Variants in CNGB1 observed in about 807,000 individuals in gnomAD.
CNGB1 encodes the protein cyclic nucleotide-gated channel beta-1.
A neutral mutation model predicts 151.7 loss-of-function variants in CNGB1; 126 were observed. That is an observed-to-expected ratio of 0.83 (90% CI 0.72 to 0.96). The LOEUF is 0.96. CNGB1 is among the 40% of genes least tolerant of loss of function. The pLI, the probability that CNGB1 is intolerant of heterozygous loss-of-function variation, is 0.00. For synonymous variants in CNGB1, 623 were observed against 635.1 expected (o/e 0.98, Z 0.29); for missense variants, 1,698 against 1,627.0 (o/e 1.04, Z -0.75).
rs374172975 is a variant in CNGB1 at position 57,897,409 on chromosome 16, C to T, written c.3230G>A (p.Arg1077Gln). 2.4e-5 allele frequency: 38 copies of T among 1,613,964 alleles called. No individual in the cohort carries two copies. In the African/African-American group the frequency reaches 3.2e-4, roughly 14 times the overall value. Reference protein sequence around the residue: ...VHYPESQKLLRKKARRMLRSN... With the variant: ...VHYPESQKLLQKKARRMLRSN... ...AAAAGTTACATACCTGGCTTTCTTC[C>T]GGAGTAACTTCTGAGACTCAGGATA... Residue 1077 changes from arginine (R) to glutamine (Q), a missense_variant, in exon 31 of 33, where the codon CGG becomes CAG. Coordinates refer to ENST00000251102, the MANE Select transcript of CNGB1 (RefSeq NM_001297.5).
At chr16:57,890,446 C>T (rs1474816271) in intron 31 of CNGB1, among the ~76,000 whole-genome samples, 2 of 152,206 alleles carry the variant, frequency 1.3e-5, no homozygotes, top group African/African-American at 4.8e-5. Flanking sequence ...AATGAACTAT[C>T]TTTTTCTTTC....
At chr16:57,964,357 C>T in intron 3 of CNGB1, 130 bp downstream of exon 3, 2 of 1,397,564 alleles carry the variant, frequency 1.4e-6, no homozygotes, top group Non-Finnish European at 2.0e-6. Context: ...GGGAGCCCAC[C>T]CTTAGCTTCT....
chr16:57,931,764 G>T lies in CNGB1; in HGVS notation c.1487C>A (p.Ala496Asp), dbSNP rs759552359. ...TGGGACTATAAGGGTGTCTGATTTG[G>T]CAGGAGACGGTGGCGGCAACACGGT... The part of the protein sequence containing the change: ...PSTVLPPPSP[A>D]KSDTLIVPSS... Residue 496 changes from alanine (A) to aspartate (D), a missense_variant, in exon 17 of 33, where the codon GCC becomes GAC. Ala to Asp is a moderately radical substitution (Grantham distance 126). Transcript: ENST00000251102. The T allele has an allele frequency of 7.4e-6, 12 of 1,614,050 alleles. No homozygotes were observed. The African/African-American group carries it at 1.6e-4, about 22-fold the overall frequency.
chr16:57,925,861 T>C (rs1189882271), intron 17 of CNGB1, among the ~76,000 whole-genome samples: 8 of 152,250 alleles, frequency 5.3e-5, no homozygotes, highest in Non-Finnish European at 8.8e-5. Flanking sequence ...CTAATTTTCG[T>C]ATTTTTAGTA....
At chr16:57,891,152 G>A (rs1451584063) in intron 31 of CNGB1, among the ~76,000 whole-genome samples, 1 of 152,196 alleles carries the variant, frequency 6.6e-6, no homozygotes, top group East Asian at 1.9e-4. Context: ...CCTCCTGGTG[G>A]GGGTGGGGGC....
rs1042771713 is a variant in CNGB1, at chr16:57,963,955, C to T, written c.290+175G>A. 1.5e-5 allele frequency: 9 copies of T among 611,378 alleles called. 1 individual carries two copies. Among genetic ancestry groups the T allele is most frequent in the East Asian group, 1.1e-4 (4 of 36,310 alleles). The allele number at this position is 611,378 out of a possible 1,614,324, so 37.9% of individuals were successfully genotyped here. ...GCTTCAGGCTTACTTAGGGAGAGCC[C>T]GCCCTCCACCTGAAGCTCACTTCAG... On this transcript the variant is annotated intron_variant, in intron 4 of 32. Transcript: ENST00000251102.
rs757118233 is a variant in CNGB1, at chr16:57,920,502, G to C, written c.1686C>G (p.Ala562=). 6.2e-6 allele frequency: 10 copies of C among 1,614,054 alleles called. No individual in the cohort carries two copies. The highest frequency in any genetic ancestry group is 2.2e-5 in the South Asian group (2 of 91,080). Reference sequence around the variant, plus strand: ...GCTCCTGGAGCCGGTCGTTGATGATGGCGCTATTTGTGCTGGCCGTGGAGG... The same window carrying C: ...GCTCCTGGAGCCGGTCGTTGATGATCGCGCTATTTGTGCTGGCCGTGGAGG... The part of the protein sequence containing the change: ...RAASTASTNS[A]IINDRLQELV... Residue 562 remains alanine (A), a synonymous_variant, in exon 19 of 33, where the codon GCC becomes GCG. Transcript: ENST00000251102.
Position 57,919,118 on chromosome 16 carries a change from C to A in CNGB1, c.1938G>T (p.Gln646His). 4 of 1,614,192 alleles carry A rather than the reference C, an allele frequency of 2.5e-6. No individual in the cohort carries two copies. The highest frequency in any genetic ancestry group is 3.4e-6 in the Non-Finnish European group (4 of 1,180,038). Residue 646 changes from glutamine (Q) to histidine (H), a missense_variant, in exon 20 of 33, where the codon CAG (glutamine) becomes CAT (histidine). Physicochemically the swap from Gln to His is conservative, Grantham distance 24. Transcript: ENST00000251102. The part of the protein sequence containing the change: ...HRPWKKYQFP[Q>H]SIDPLTNLMY... Reference sequence around the variant, plus strand: ...ACTCACTGGTCAGCGGGTCAATGCTCTGGGGAAACTGGTACTTCTTCCAGG... The same window carrying A: ...ACTCACTGGTCAGCGGGTCAATGCTATGGGGAAACTGGTACTTCTTCCAGG...
Position 57,958,424 on chromosome 16 carries a change from TC to T in CNGB1, c.822del (p.Ile276Ter). Reference protein sequence around the residue: ...EMALPQPVLHGKIGEQEPDSP... With the variant: ...EMALPQPVLHXKIGEQEPDSP... ...CCAGCACTGACCTGTTCCCCTATTT[TC>T]CCATGTAGCACTGGCTGCGGCAAGG... is the stretch of plus-strand genomic sequence containing the variant. On this transcript the variant is annotated frameshift_variant, in exon 11 of 33. Coordinates refer to ENST00000251102, the MANE Select transcript of CNGB1 (RefSeq NM_001297.5). LOFTEE classifies it high-confidence loss of function. 1 of 1,583,122 alleles carries T rather than the reference TC, an allele frequency of 6.3e-7. No individual in the cohort carries two copies. Among genetic ancestry groups the T allele is most frequent in the Non-Finnish European group, 8.6e-7 (1 of 1,169,418 alleles).
intron 14 of CNGB1, among the ~76,000 whole-genome samples, chr16:57,944,721 G>A (rs977088852): frequency 6.6e-6 from 1 of 151,916 alleles, no homozygotes; most frequent in Admixed American, 6.6e-5. Flanking sequence ...TCGGGAGGTC[G>A]AGGTGGGCGG....
chr16:57,888,225 T>A (rs1959990008), intron 31 of CNGB1, 151 bp from the exon 32 acceptor site: 2 of 782,280 alleles, frequency 2.6e-6, no homozygotes, highest in East Asian at 2.7e-5. Context: ...AGCGTCGTGT[T>A]AAGTACTTTA....
At chr16:57,899,050 A>G (rs10451122) in intron 29 of CNGB1, among the ~76,000 whole-genome samples, 9,267 of 152,216 alleles carry the variant, frequency 0.061, 872 homozygotes, top group African/African-American at 0.2. Flanking sequence ...GGAGACACAA[A>G]AAAAACTAGA....
chr16:57,962,828 C>T lies in CNGB1; in HGVS notation c.412+14G>A. On this transcript the variant is annotated intron_variant, in intron 6 of 32. Coordinates refer to ENST00000251102, the MANE Select transcript of CNGB1 (RefSeq NM_001297.5). The stretch of plus-strand genomic sequence containing the variant: ...GCCCTGCTGCTGAAAAGCCATCCTG[C>T]CCCTTGTTCTTACCTGTGTCCCCAG... 1 of 1,612,742 alleles carries T rather than the reference C, an allele frequency of 6.2e-7. No individual in the cohort carries two copies. Among genetic ancestry groups the T allele is most frequent in the South Asian group, 1.1e-5 (1 of 91,072 alleles).
intron 26 of CNGB1, among the ~76,000 whole-genome samples, chr16:57,904,503 G>A (rs72782251): frequency 0.16 from 24,341 of 152,070 alleles, 2,289 homozygotes; most frequent in African/African-American, 0.25. Flanking sequence ...CAGTGCACCC[G>A]GAGGAACTGA....
chr16:57,915,906 A>T (rs1960853512), intron 22 of CNGB1, among the ~76,000 whole-genome samples: 1 of 151,324 alleles, frequency 6.6e-6, no homozygotes, highest in African/African-American at 2.4e-5. Flanking sequence ...TCAAAAAAAA[A>T]AAAAAAAGAA....
intron 29 of CNGB1, among the ~76,000 whole-genome samples, chr16:57,899,575 G>C (rs1567366833): frequency 6.6e-6 from 1 of 152,216 alleles, no homozygotes; most frequent in East Asian, 1.9e-4. Flanking sequence ...AGGAGGCGGA[G>C]GTTGCAGTGA....
chr16:57,921,262 G>A (rs995639495), intron 18 of CNGB1, among the ~76,000 whole-genome samples: 7 of 125,206 alleles, frequency 5.6e-5, no homozygotes, highest in Admixed American at 1.0e-4. Context: ...CACTCTTGTC[G>A]CCCAGCTGGA....
chr16:57,958,520 G>T, intron 10 of CNGB1, 35 bp from the exon 11 acceptor site: 1 of 1,589,296 alleles, frequency 6.3e-7, no homozygotes, highest in South Asian at 1.1e-5. Flanking sequence ...TGTCCAGGTG[G>T]GAAGGGTCAT....
chr16:57,958,306 G>A, intron 11 of CNGB1, 104 bp downstream of exon 11: 1 of 606,480 alleles, frequency 1.6e-6, no homozygotes, highest in Non-Finnish European at 2.5e-6. Context: ...AAGGCTGGGG[G>A]AGCTGGGCTT....
Sources: allele counts gnomAD v4.1 joint callset (sites outside exome capture counted in the v4.1 genomes callset), GRCh38; gene constraint gnomAD v4.1.1; transcripts MANE v1.5; gene names NCBI Gene and HGNC (gene_info 2026-07-23, HGNC 2026-07-21).